Variants in FRYL observed in about 807,000 individuals in gnomAD.
The protein encoded by FRYL is protein furry homolog-like.
In FRYL, 150 loss-of-function variants were observed where a neutral mutation model predicts 351.2. The observed-to-expected ratio is 0.43, with a 90% confidence interval of 0.37 to 0.49. The LOEUF (loss-of-function observed/expected upper bound fraction) is 0.49, where lower values mean the gene tolerates loss of function less well. Among genes scored for constraint, FRYL ranks in the 20% least tolerant of loss-of-function variants. The probability of loss-of-function intolerance (pLI) is 0.00; values close to 1 mark genes in which losing one functional copy is unlikely to be tolerated. For missense variants in FRYL, 3,036 were observed against 3,619.3 expected, an observed-to-expected ratio of 0.84 and a Z score of 4.13; for synonymous variants, 1,153 against 1,257.1, an observed-to-expected ratio of 0.92 and a Z score of 1.75.
chr4:48,628,466 A>G (rs1752307046), intron 4 of FRYL, among the ~76,000 whole-genome samples: 1 of 61,456 alleles, frequency 1.6e-5, no homozygotes, highest in South Asian at 5.2e-4. Flanking sequence ...GTGTGTGTTT[A>G]AAGGTGATTT....
chr4:48,586,851 T>A, intron 18 of FRYL, 123 bp from the exon 19 acceptor site: 1 of 598,700 alleles, frequency 1.7e-6, no homozygotes, highest in Non-Finnish European at 2.9e-6. Flanking sequence ...TTTAATATTT[T>A]AAAAATGCAC....
chr4:48,681,371 G>A (rs1203611439), intron 3 of FRYL, among the ~76,000 whole-genome samples: 3 of 152,078 alleles, frequency 2.0e-5, no homozygotes, highest in Non-Finnish European at 4.4e-5. Flanking sequence ...TCATGTACGC[G>A]TACATGTACA....
At chr4:48,577,625 T>C (rs1028338319) in intron 23 of FRYL, among the ~76,000 whole-genome samples, 2 of 152,150 alleles carry the variant, frequency 1.3e-5, no homozygotes, top group African/African-American at 4.8e-5. Context: ...GCTGGTAGGA[T>C]ATGGGGTTAT....
chr4:48,672,228 C>T (rs897473376), intron 3 of FRYL, among the ~76,000 whole-genome samples: 5 of 152,102 alleles, frequency 3.3e-5, no homozygotes, highest in Admixed American at 2.6e-4. Context: ...ATTAAGTAGC[C>T]GGTTCAAGGC....
chr4:48,570,209 C>T (rs777821291), intron 27 of FRYL, among the ~76,000 whole-genome samples: 5 of 152,114 alleles, frequency 3.3e-5, no homozygotes, highest in African/African-American at 4.8e-5. Flanking sequence ...CACCATTATC[C>T]TCCTAAGGAA....
intron 1 of FRYL, among the ~76,000 whole-genome samples, chr4:48,765,802 T>C (rs1774885710): frequency 6.6e-6 from 1 of 151,854 alleles, no homozygotes; most frequent in Non-Finnish European, 1.5e-5. Context: ...ATAACAACAG[T>C]AAAAAAGCCC....
At chr4:48,710,282 CA>C (rs1335426612) in intron 2 of FRYL, among the ~76,000 whole-genome samples, 1 of 152,098 alleles carries the variant, frequency 6.6e-6, no homozygotes, top group East Asian at 1.9e-4. Flanking sequence ...CTATAGAGTA[CA>C]AATAAGGCAC....
At chr4:48,690,056 C>T (rs1765543620) in intron 2 of FRYL, among the ~76,000 whole-genome samples, 1 of 76,534 alleles carries the variant, frequency 1.3e-5, no homozygotes, top group Non-Finnish European at 2.6e-5. Flanking sequence ...GCCACCGTGC[C>T]CAGCTAATTT....
At chr4:48,519,475 C>T (rs6447642) in intron 55 of FRYL, among the ~76,000 whole-genome samples, 149,857 of 151,636 alleles carry the variant, frequency 0.99, 74,070 homozygotes, top group East Asian at 1. Context: ...GAATTTTCCA[C>T]ACTGAAATGT....
In FRYL at chr4:48,659,390, G is replaced by A. The variant is rs6837907; in HGVS notation, c.-80-24900C>T. On this transcript the variant is annotated intron_variant, in intron 3 of 63. Coordinates refer to ENST00000358350, the MANE Select transcript of FRYL (RefSeq NM_015030.2). ...AAAGAGAGAGAAGAAGAAGGAGAAG[G>A]AGAAGAAGGAGAAGGAGAAGGAGAA... is the stretch of plus-strand genomic sequence containing the variant. 1.8e-3 allele frequency among the ~76,000 whole-genome samples: 24 copies of A among 13,046 alleles called. 11 individuals are homozygous for A. The highest frequency in any genetic ancestry group is 0.067 in the Middle Eastern group (2 of 30). The allele number at this position is 13,046 out of a possible 152,430, so 8.6% of individuals were successfully genotyped here.
At chr4:48,597,819 C>T (rs1406778347) in intron 13 of FRYL, among the ~76,000 whole-genome samples, 9 of 152,046 alleles carry the variant, frequency 5.9e-5, no homozygotes, top group Non-Finnish European at 1.3e-4. Flanking sequence ...CTGGCATTCA[C>T]GCAATGACCA....
At chr4:48,697,614 G>A (rs1378960653) in intron 2 of FRYL, among the ~76,000 whole-genome samples, 2 of 151,958 alleles carry the variant, frequency 1.3e-5, no homozygotes, top group Non-Finnish European at 2.9e-5. Context: ...TGAGTAGCTG[G>A]GATTACAGGT....
intron 2 of FRYL, among the ~76,000 whole-genome samples, chr4:48,688,437 C>G (rs1300799306): frequency 6.6e-6 from 1 of 152,060 alleles, no homozygotes; most frequent in Non-Finnish European, 1.5e-5. Flanking sequence ...GCGCAGGCAG[C>G]AAGCAATTAG....
chr4:48,565,071 T>C, intron 29 of FRYL, 28 bp from the exon 30 acceptor site: 1 of 1,316,164 alleles, frequency 7.6e-7, no homozygotes, highest in Non-Finnish European at 1.0e-6. Flanking sequence ...AGAATTACAT[T>C]TAACAAATTT....
chr4:48,521,282 T>A, intron 54 of FRYL, 67 bp from the exon 55 acceptor site: 1 of 1,196,164 alleles, frequency 8.4e-7, no homozygotes, highest in Non-Finnish European at 1.2e-6. Flanking sequence ...ACATTCTCTA[T>A]CATAAAATAT....
At chr4:48,769,894 G>C (rs535653955) in intron 1 of FRYL, among the ~76,000 whole-genome samples, 1 of 152,266 alleles carries the variant, frequency 6.6e-6, no homozygotes, top group East Asian at 1.9e-4. Flanking sequence ...AGAATTAGTG[G>C]CTGCCAGTAA....
intron 1 of FRYL, among the ~76,000 whole-genome samples, chr4:48,776,852 A>C (rs1776076862): frequency 6.6e-6 from 1 of 152,222 alleles, no homozygotes; most frequent in African/African-American, 2.4e-5. Context: ...TTAAAAATAT[A>C]TTTTCTAAAA....
intron 48 of FRYL, 117 bp from the exon 49 acceptor site, chr4:48,534,802 G>A: frequency 3.3e-6 from 2 of 611,638 alleles, no homozygotes; most frequent in Non-Finnish European, 5.5e-6. Flanking sequence ...TTATAGTTAT[G>A]TGGATTAGAA....
At chr4:48,670,140 A>AT (rs1762413559) in intron 3 of FRYL, among the ~76,000 whole-genome samples, 1 of 152,038 alleles carries the variant, frequency 6.6e-6, no homozygotes, top group Admixed American at 6.6e-5. Context: ...CAATTAAATT[A>AT]TTTTTTACTA....
Sources: allele counts gnomAD v4.1 joint callset (sites outside exome capture counted in the v4.1 genomes callset), GRCh38; gene constraint gnomAD v4.1.1; transcripts MANE v1.5; gene names NCBI Gene and HGNC (gene_info 2026-07-23, HGNC 2026-07-21).